CLPTM1: variants seen among roughly 807,000 people sequenced by gnomAD.
CLPTM1 encodes putative lipid scramblase CLPTM1.
A neutral mutation model predicts 77.3 loss-of-function variants in CLPTM1; 21 were observed. That is an observed-to-expected ratio of 0.27 (90% CI 0.19 to 0.39). The LOEUF (loss-of-function observed/expected upper bound fraction) is 0.39, where lower values mean the gene tolerates loss of function less well. CLPTM1 is among the 10% of genes least tolerant of loss of function. CLPTM1 has a pLI of 1.00. For missense variants in CLPTM1, 642 were observed against 921.2 expected (o/e 0.70, Z 3.92); for synonymous variants, 373 against 381.0 (o/e 0.98, Z 0.24).
intron 3 of CLPTM1, 84 bp from the exon 4 acceptor site, chr19:44,974,355 G>A: frequency 7.1e-7 from 1 of 1,405,100 alleles, no homozygotes. Flanking sequence ...CCCTGAGTGT[G>A]CTGACCGCTG....
intron 2 of CLPTM1, among the ~76,000 whole-genome samples, chr19:44,963,104 A>G (rs1424218090): frequency 6.9e-6 from 1 of 145,012 alleles, no homozygotes; most frequent in Non-Finnish European, 1.5e-5. Flanking sequence ...GCTACTCAGG[A>G]GGCTGAGGGC....
chr19:44,969,974 G>C (rs1165887727), intron 2 of CLPTM1, among the ~76,000 whole-genome samples: 1 of 147,592 alleles, frequency 6.8e-6, no homozygotes, highest in Non-Finnish European at 1.5e-5. Context: ...ACCACGCCCA[G>C]CCTCGTTTTG....
intron 1 of CLPTM1, among the ~76,000 whole-genome samples, chr19:44,957,640 C>T (rs1254244510): frequency 1.3e-5 from 2 of 152,186 alleles, no homozygotes; most frequent in Non-Finnish European, 2.9e-5. Flanking sequence ...TGTGCGTGGA[C>T]GTGCAGATCC....
chr19:44,962,995 A>G (rs1215061349), intron 2 of CLPTM1, among the ~76,000 whole-genome samples: 2 of 151,956 alleles, frequency 1.3e-5, no homozygotes, highest in Non-Finnish European at 2.9e-5. Context: ...ACTGCACTCC[A>G]GCCTGGGCAA....
rs1970775224 is a variant in CLPTM1, at chr19:44,974,528, T to C, written c.399T>C (p.Tyr133=). 6.2e-7 allele frequency: 1 copy of C among 1,614,202 alleles called. No homozygotes were observed. The highest frequency in any genetic ancestry group is 8.5e-7 in the Non-Finnish European group (1 of 1,180,034). The change falls in exon 4 of 14, where the codon TAT becomes TAC. Residue 133 remains tyrosine (Y), a synonymous_variant. Coordinates refer to ENST00000337392, the MANE Select transcript of CLPTM1 (RefSeq NM_001294.4). ...ALFWEQHDLV[Y]GDWTSGENSD... ...TCTGGGAACAGCACGATCTTGTGTA[T>C]GGCGACTGGACTAGCGGCGAGAACT...
Position 44,985,277 on chromosome 19 carries a change from ACAGAAGCGGACC to A in CLPTM1, c.652_663del (p.Ala218_Glu221del), listed in dbSNP as rs1306896049. Reference sequence around the variant, plus strand: ...AACCAAGAACCTGCTGACAGGAGAGACAGAAGCGGACCCAGAAATGATCAAGGTAAATGGGCA... The same window carrying A: ...AACCAAGAACCTGCTGACAGGAGAGACAGAAATGATCAAGGTAAATGGGCA... On this transcript the variant is annotated inframe_deletion, in exon 6 of 14. Coordinates refer to ENST00000337392, the MANE Select transcript of CLPTM1 (RefSeq NM_001294.4). 1.2e-6 allele frequency: 2 copies of A among 1,613,358 alleles called. No homozygotes were observed. Among genetic ancestry groups the A allele is most frequent in the African/African-American group, 2.7e-5 (2 of 74,886 alleles).
At chr19:44,988,847 G>A (rs1271401788) in intron 9 of CLPTM1, among the ~76,000 whole-genome samples, 6 of 152,190 alleles carry the variant, frequency 3.9e-5, no homozygotes, top group East Asian at 1.9e-4. Flanking sequence ...TGTAGCTCCC[G>A]CAGGCGGCAA....
At chr19:44,961,081 T>C (rs1970536340) in intron 1 of CLPTM1, among the ~76,000 whole-genome samples, 1 of 152,272 alleles carries the variant, frequency 6.6e-6, no homozygotes, top group Admixed American at 6.5e-5. Context: ...CCCCTTCCCT[T>C]CTGTCATTCT....
At chr19:44,983,635 A>G (rs1189219935) in intron 5 of CLPTM1, among the ~76,000 whole-genome samples, 3 of 147,496 alleles carry the variant, frequency 2.0e-5, no homozygotes, top group Non-Finnish European at 3.0e-5. Flanking sequence ...AAAAAAAAAA[A>G]AAAAAAAAAA....
rs745478726 is a variant in CLPTM1 at position 44,990,376 on chromosome 19, C to T, written c.1133-19C>T. 7.8e-5 allele frequency: 125 copies of T among 1,611,998 alleles called. No homozygotes were observed. The highest frequency in any genetic ancestry group is 1.0e-4 in the Non-Finnish European group (118 of 1,178,602). ...GCACCTCCTCAGCCTCCTGGTTCCC[C>T]CCTACCCCCTGCGCACAGATATCCA... On this transcript the variant is annotated intron_variant, in intron 9 of 13. Transcript: ENST00000337392. This position sits in a 1 kb window ranked among gnomAD's most constrained non-coding sequence, Gnocchi z 4.8.
Position 44,993,001 on chromosome 19 carries a change from CG to C in CLPTM1, c.*108del. Reference sequence around the variant, plus strand: ...CGCCCTTTCCCTGGACAGATCAGGCCGGGGCGGTGGGAGGCCCGCCTCAGGT... The same window carrying C: ...CGCCCTTTCCCTGGACAGATCAGGCCGGGCGGTGGGAGGCCCGCCTCAGGT... On this transcript the variant is annotated 3_prime_UTR_variant, in exon 14 of 14. Coordinates refer to ENST00000337392, the MANE Select transcript of CLPTM1 (RefSeq NM_001294.4). 3 of 1,412,706 alleles carry C rather than the reference CG, an allele frequency of 2.1e-6. No individual in the cohort carries two copies. Among genetic ancestry groups the C allele is most frequent in the Non-Finnish European group, 2.9e-6 (3 of 1,030,936 alleles). The allele number at this position is 1,412,706 out of a possible 1,614,324, so 87.5% of individuals were successfully genotyped here.
At chr19:44,986,818 A>C in intron 7 of CLPTM1, 1 of 548,638 alleles carries the variant, frequency 1.8e-6, no homozygotes, top group South Asian at 2.6e-5. Context: ...CATCCAGCCC[A>C]CAAACTGTTT....
Position 44,974,576 on chromosome 19 carries a change from T to C in CLPTM1, c.447T>C (p.Phe149=), listed in dbSNP as rs928242071. Residue 149 remains phenylalanine (F), a synonymous_variant, in exon 4 of 14, where the codon TTT becomes TTC. Transcript: ENST00000337392. ...ACTCAGACGGCTGCTACGAGCACTT[T>C]GCTGAGCTCGATATCCCACAGGTGG... is the stretch of plus-strand genomic sequence containing the variant. ...GENSDGCYEH[F]AELDIPQSVQ... 2 of 1,614,120 alleles carry C rather than the reference T, an allele frequency of 1.2e-6. No individual in the cohort carries two copies. The highest frequency in any genetic ancestry group is 1.7e-4 in the Middle Eastern group (1 of 6,060).
At chr19:44,966,040 T>C (rs1241395596) in intron 2 of CLPTM1, among the ~76,000 whole-genome samples, 4 of 152,200 alleles carry the variant, frequency 2.6e-5, no homozygotes, top group Non-Finnish European at 5.9e-5. Context: ...TTCCCTTAGC[T>C]TATAAATTAT....
chr19:44,990,712 G>T lies in CLPTM1; in HGVS notation c.1323+127G>T. On this transcript the variant is annotated intron_variant, in intron 10 of 13. Transcript: ENST00000337392. The surrounding 1 kb of genome is among the most constrained non-coding windows in gnomAD (Gnocchi z 4.8). ...AGTGCCTCACTCCCAGGACTGAGGG[G>T]ATTTTCTCACCAGGGGATTTTTTGG... 1.5e-6 allele frequency: 2 copies of T among 1,334,922 alleles called. No individual in the cohort carries two copies. The highest frequency in any genetic ancestry group is 2.1e-6 in the Non-Finnish European group (2 of 950,028). The allele number at this position is 1,334,922 out of a possible 1,614,324, so 82.7% of individuals were successfully genotyped here. A position where few individuals can be genotyped will look rare whatever the true frequency, so the allele number is the denominator to read the frequency against.
Position 44,992,924 on chromosome 19 carries a change from C to A in CLPTM1, c.*27C>A, listed in dbSNP as rs1197202398. On this transcript the variant is annotated 3_prime_UTR_variant, in exon 14 of 14. Coordinates refer to ENST00000337392, the MANE Select transcript of CLPTM1 (RefSeq NM_001294.4). This position sits in a 1 kb window ranked among gnomAD's most constrained non-coding sequence, Gnocchi z 7.7. The stretch of plus-strand genomic sequence containing the variant: ...CGAGACTGGTCCTCACCTGCTCCGG[C>A]TCCTGGCGACCACTACCCCTGCGTC... The A allele has an allele frequency of 2.5e-6, 4 of 1,605,602 alleles. No individual in the cohort carries two copies. Among genetic ancestry groups the A allele is most frequent in the Non-Finnish European group, 3.4e-6 (4 of 1,177,166 alleles).
At chr19:44,982,791 G>A (rs571671966) in intron 5 of CLPTM1, among the ~76,000 whole-genome samples, 1 of 152,328 alleles carries the variant, frequency 6.6e-6, no homozygotes, top group South Asian at 2.1e-4. Context: ...GGATTGGCCA[G>A]GTGGCTCAAG....
chr19:44,955,201 G>C, upstream of CLPTM1: 1 of 1,532,032 alleles, frequency 6.5e-7, no homozygotes, highest in Non-Finnish European at 8.7e-7. Flanking sequence ...AAACGGGCTG[G>C]GAGAAAGACG....
chr19:44,980,875 T>TGGAG (rs1970884936), intron 5 of CLPTM1, among the ~76,000 whole-genome samples: 1 of 152,058 alleles, frequency 6.6e-6, no homozygotes, highest in Non-Finnish European at 1.5e-5. Flanking sequence ...TCTTGCTCTG[T>TGGAG]TGCCCAGGCT....
Sources: gnomAD v4.1 joint callset for allele counts (sites outside exome capture counted in the v4.1 genomes callset) on GRCh38, gnomAD v4.1.1 for gene constraint, Gnocchi (gnomAD v3.1) non-coding constraint, MANE v1.5 for transcripts, NCBI Gene and HGNC (gene_info 2026-07-23, HGNC 2026-07-21) for gene names.